LGSN: variants seen among roughly 807,000 people sequenced by gnomAD.
The protein encoded by LGSN is lengsin.
A neutral mutation model predicts 19.5 loss-of-function variants in LGSN; 21 were observed. The observed-to-expected ratio is 1.07, with a 90% CI of 0.76 to 1.55. The LOEUF (loss-of-function observed/expected upper bound fraction) is 1.55. LGSN is among the 40% of genes most tolerant of loss of function. The pLI is 0.00. For synonymous variants in LGSN, 257 were observed against 215.6 expected (o/e 1.19, Z -1.68); for missense variants, 673 against 608.5 (o/e 1.11, Z -1.12).
chr6:63,555,821 G>A, the LGSN span, among the ~76,000 whole-genome samples: 2 of 151,222 alleles, frequency 1.3e-5, no homozygotes, highest in Admixed American at 1.3e-4. Context: ...AGTCTCCCAA[G>A]TAGCTGGAAT....
At chr6:63,503,377 C>G in the LGSN span, among the ~76,000 whole-genome samples, 2 of 152,138 alleles carry the variant, frequency 1.3e-5, no homozygotes, top group Non-Finnish European at 2.9e-5. Flanking sequence ...GCTAGAGAAC[C>G]AGACTTTGAA....
chr6:63,503,042 T>C, the LGSN span, among the ~76,000 whole-genome samples: 1 of 152,238 alleles, frequency 6.6e-6, no homozygotes, highest in Non-Finnish European at 1.5e-5. Flanking sequence ...ATATATTTTC[T>C]AATTTTTTTG....
chr6:63,470,643 T>C, the LGSN span, among the ~76,000 whole-genome samples: 1 of 152,108 alleles, frequency 6.6e-6, no homozygotes, highest in African/African-American at 2.4e-5. Context: ...CCCATTTCCT[T>C]GCTCTGATAA....
chr6:63,552,226 T>C, the LGSN span, among the ~76,000 whole-genome samples: 11 of 152,254 alleles, frequency 7.2e-5, no homozygotes, highest in Non-Finnish European at 1.5e-4. Flanking sequence ...ATTGGCATTC[T>C]AACTGGTGTG....
chr6:63,446,025 G>A, the LGSN span, among the ~76,000 whole-genome samples: 6 of 152,084 alleles, frequency 3.9e-5, no homozygotes, highest in African/African-American at 1.4e-4. Context: ...GAGGCAGGCA[G>A]GTCACTCGAG....
At chr6:63,561,416 A>G in the LGSN span, among the ~76,000 whole-genome samples, 3 of 152,230 alleles carry the variant, frequency 2.0e-5, no homozygotes, top group African/African-American at 7.2e-5. Context: ...AACAACCAGC[A>G]CATTCAGTAC....
At chr6:63,378,819 C>T in the LGSN span, among the ~76,000 whole-genome samples, 3 of 152,196 alleles carry the variant, frequency 2.0e-5, no homozygotes, top group Non-Finnish European at 4.4e-5. Context: ...CAGTCCCCGC[C>T]TCTGACACTA....
the LGSN span, among the ~76,000 whole-genome samples, chr6:63,338,807 G>A: frequency 6.6e-6 from 1 of 151,890 alleles, no homozygotes; most frequent in Non-Finnish European, 1.5e-5. Context: ...AGCATTTATT[G>A]CTACAAATTT....
chr6:63,522,625 T>C, the LGSN span, among the ~76,000 whole-genome samples: 1 of 152,202 alleles, frequency 6.6e-6, no homozygotes, highest in Non-Finnish European at 1.5e-5. Flanking sequence ...CACAATAGTG[T>C]AGCAGCCAGA....
At chr6:63,446,243 C>CA in the LGSN span, among the ~76,000 whole-genome samples, 38,808 of 74,494 alleles carry the variant, frequency 0.52, 10,236 homozygotes, top group Non-Finnish European at 0.6. Flanking sequence ...GACTGTGTCT[C>CA]AAAAAAAAAA....
chr6:63,288,145 G>A (rs1293054390), intron 2 of LGSN, among the ~76,000 whole-genome samples: 1 of 151,806 alleles, frequency 6.6e-6, no homozygotes, highest in Non-Finnish European at 1.5e-5. Context: ...TTGAGCCTGG[G>A]AGGTGGAAGT....
chr6:63,464,671 G>T, the LGSN span, among the ~76,000 whole-genome samples: 1 of 151,574 alleles, frequency 6.6e-6, no homozygotes, highest in Non-Finnish European at 1.5e-5. Context: ...GTATGCACAC[G>T]ATCATCACTA....
At chr6:63,285,015 T>A (rs1487904408) in intron 3 of LGSN, among the ~76,000 whole-genome samples, 1 of 152,092 alleles carries the variant, frequency 6.6e-6, no homozygotes, top group Non-Finnish European at 1.5e-5. Context: ...AATAAACACA[T>A]GACAAAAACT....
chr6:63,404,066 G>A, the LGSN span, among the ~76,000 whole-genome samples: 4 of 151,960 alleles, frequency 2.6e-5, no homozygotes, highest in Non-Finnish European at 4.4e-5. Context: ...AGAGCCTGGA[G>A]GAATATATTT....
the LGSN span, among the ~76,000 whole-genome samples, chr6:63,443,278 C>T: frequency 6.6e-6 from 1 of 152,244 alleles, no homozygotes; most frequent in Non-Finnish European, 1.5e-5. Context: ...GGAACTGGTG[C>T]TGGCCCGCGA....
At chr6:63,428,253 CCTT>C in the LGSN span, among the ~76,000 whole-genome samples, 2 of 152,076 alleles carry the variant, frequency 1.3e-5, no homozygotes, top group Non-Finnish European at 2.9e-5. Context: ...GCATCCTCCT[CCTT>C]ATTTAAGTAA....
At chr6:63,356,612 G>A in the LGSN span, among the ~76,000 whole-genome samples, 1 of 152,036 alleles carries the variant, frequency 6.6e-6, no homozygotes, top group Admixed American at 6.6e-5. Flanking sequence ...GTCAAGAGAT[G>A]AGGCATGTTT....
chr6:63,346,759 C>G, the LGSN span, among the ~76,000 whole-genome samples: 1 of 151,684 alleles, frequency 6.6e-6, no homozygotes, highest in Non-Finnish European at 1.5e-5. Flanking sequence ...ATTACCAGAA[C>G]TGAATTGAAT....
the LGSN span, among the ~76,000 whole-genome samples, chr6:63,403,946 T>C: frequency 6.7e-6 from 1 of 148,160 alleles, no homozygotes; most frequent in Admixed American, 6.8e-5. Flanking sequence ...GCCTCTCTCT[T>C]TCTCTCTCTC....
Sources: gnomAD v4.1 joint callset for allele counts (sites outside exome capture counted in the v4.1 genomes callset) on GRCh38, gnomAD v4.1.1 for gene constraint, MANE v1.5 for transcripts, NCBI Gene and HGNC (gene_info 2026-07-23, HGNC 2026-07-21) for gene names.